GRIK4: variants seen among roughly 807,000 people sequenced by gnomAD.
GRIK4 encodes glutamate receptor ionotropic, kainate 4.
In GRIK4, 40 loss-of-function variants were observed where a neutral mutation model predicts 104.9. The observed-to-expected ratio is 0.38, with a 90% CI of 0.30 to 0.50. The LOEUF (loss-of-function observed/expected upper bound fraction) is 0.50, where lower values mean the gene tolerates loss of function less well. GRIK4 is among the 20% of genes least tolerant of loss of function. The pLI is 0.93. For missense variants in GRIK4, 1,047 were observed against 1,308.1 expected (o/e 0.80, Z 3.08); for synonymous variants, 485 against 524.9 (o/e 0.92, Z 1.04).
chr11:120,861,004 T>A (rs1954248360), intron 8 of GRIK4, among the ~76,000 whole-genome samples: 1 of 151,674 alleles, frequency 6.6e-6, no homozygotes, highest in Admixed American at 6.6e-5. Context: ...TGTATAAGAC[T>A]TAGGGTCCTG....
intron 14 of GRIK4, among the ~76,000 whole-genome samples, chr11:120,943,052 A>G (rs1943761511): frequency 6.7e-6 from 1 of 150,140 alleles, no homozygotes; most frequent in African/African-American, 2.5e-5. Context: ...CTGTGAGCCA[A>G]TTTCTTACAA....
intron 3 of GRIK4, among the ~76,000 whole-genome samples, chr11:120,746,809 C>T (rs1056405108): frequency 2.0e-5 from 3 of 152,140 alleles, no homozygotes; most frequent in Non-Finnish European, 4.4e-5. Context: ...AAGCACGTCA[C>T]TCAGTAGGAT....
chr11:120,754,278 C>G (rs539547299), intron 3 of GRIK4, among the ~76,000 whole-genome samples: 1 of 152,330 alleles, frequency 6.6e-6, no homozygotes, highest in African/African-American at 2.4e-5. Context: ...TCCCAAAGTG[C>G]TGGGATTATA....
chr11:120,849,599 A>T (rs1417143141), intron 8 of GRIK4, among the ~76,000 whole-genome samples: 1 of 152,208 alleles, frequency 6.6e-6, no homozygotes, highest in Non-Finnish European at 1.5e-5. Flanking sequence ...TCTACTCAAG[A>T]TCTTTAACCC....
At chr11:120,852,723 A>G (rs1044508431) in intron 8 of GRIK4, among the ~76,000 whole-genome samples, 1 of 152,234 alleles carries the variant, frequency 6.6e-6, no homozygotes, top group African/African-American at 2.4e-5. Flanking sequence ...TTTGATGCAG[A>G]TAAATAGACA....
chr11:120,815,500 A>G (rs1448552459), intron 5 of GRIK4, 25 bp downstream of exon 5: 7 of 1,363,816 alleles, frequency 5.1e-6, no homozygotes, highest in Non-Finnish European at 7.1e-6. Flanking sequence ...GGGCTGGGGA[A>G]TATCTGTGTG....
At position 120,668,101 on chromosome 11, in the gene GRIK4, G is replaced by A. The variant is rs200417482; in HGVS notation, c.82+7701G>A. Among the ~76,000 whole-genome samples, 502 of 144,208 alleles carry A rather than the reference G, an allele frequency of 3.5e-3. 7 individuals are homozygous for A. Among genetic ancestry groups the A allele is most frequent in the African/African-American group, 0.012 (469 of 38,310 alleles). The allele number at this position is 144,208 out of a possible 152,430, so 94.6% of individuals were successfully genotyped here. A position where few individuals can be genotyped will look rare whatever the true frequency, so the allele number is the denominator to read the frequency against. On this transcript the variant is annotated intron_variant, in intron 3 of 20. Transcript: ENST00000527524. Reference sequence around the variant, plus strand: ...CTGTCTCATAGATGGATAGATAGATGGATAGATAGATAGATAGATAGATAG... The same window carrying A: ...CTGTCTCATAGATGGATAGATAGATAGATAGATAGATAGATAGATAGATAG...
At chr11:120,933,424 C>A (rs1029038533) in intron 13 of GRIK4, among the ~76,000 whole-genome samples, 1 of 152,224 alleles carries the variant, frequency 6.6e-6, no homozygotes, top group Non-Finnish European at 1.5e-5. Flanking sequence ...TCAGCATTTA[C>A]AGACATGGCC....
In GRIK4 at chr11:120,967,047, T is replaced by C; in HGVS notation, c.2267-148T>C. On this transcript the variant is annotated intron_variant, in intron 18 of 20. Transcript: ENST00000527524. This position sits in a 1 kb window ranked among gnomAD's most constrained non-coding sequence, Gnocchi z 4.2. ...AGTGGAGTAGACAGCACTGGCCCCA[T>C]GGGCTCGCCCCACCCGCTGCATCTG... 2.5e-6 allele frequency: 2 copies of C among 816,258 alleles called. No homozygotes were observed. Among genetic ancestry groups the C allele is most frequent in the Non-Finnish European group, 3.8e-6 (2 of 529,554 alleles). The allele number at this position is 816,258 out of a possible 1,614,324, so 50.6% of individuals were successfully genotyped here.
chr11:120,668,389 A>G (rs1333871263), intron 3 of GRIK4, among the ~76,000 whole-genome samples: 3 of 152,222 alleles, frequency 2.0e-5, no homozygotes, highest in Non-Finnish European at 2.9e-5. Context: ...AGAAAAAGAA[A>G]GGAAGAAAAA....
chr11:120,797,556 C>G (rs1952544178), intron 3 of GRIK4, among the ~76,000 whole-genome samples: 1 of 152,226 alleles, frequency 6.6e-6, no homozygotes, highest in Non-Finnish European at 1.5e-5. Flanking sequence ...ATGTCCACAG[C>G]TCTAGAGTCT....
intron 3 of GRIK4, among the ~76,000 whole-genome samples, chr11:120,671,213 T>C (rs746002794): frequency 3.9e-5 from 6 of 152,196 alleles, no homozygotes; most frequent in Non-Finnish European, 7.3e-5. Context: ...TTTGGGTATA[T>C]ACCCAGTAAT....
intron 1 of GRIK4, among the ~76,000 whole-genome samples, chr11:120,578,807 G>A (rs367625169): frequency 2.0e-5 from 3 of 152,296 alleles, no homozygotes; most frequent in African/African-American, 4.8e-5. Flanking sequence ...CTGCTATGTC[G>A]TCCCGCTTCC....
intron 1 of GRIK4, among the ~76,000 whole-genome samples, chr11:120,632,629 T>A (rs916375432): frequency 2.6e-5 from 4 of 152,152 alleles, no homozygotes; most frequent in African/African-American, 9.6e-5. Flanking sequence ...TTTATCTTGC[T>A]GAAAACTTGG....
At position 120,952,985 on chromosome 11, in the gene GRIK4, C is replaced by T. The variant is rs760435804; in HGVS notation, c.1700+21C>T. ...GCTCGGTACTCTCCTCTTCCCTTCC[C>T]TGTCCTTACACCGCCACCTCGTGTC... On this transcript the variant is annotated intron_variant, in intron 15 of 20. Transcript: ENST00000527524. The surrounding 1 kb of genome is among the most constrained non-coding windows in gnomAD (Gnocchi z 5.2). The T allele has an allele frequency of 4.0e-6, 6 of 1,489,824 alleles. No homozygotes were observed. Among genetic ancestry groups the T allele is most frequent in the Non-Finnish European group, 5.6e-6 (6 of 1,067,664 alleles). 92.3% of individuals were successfully genotyped at this position (1,489,824 alleles called of 1,614,324 possible).
chr11:120,698,481 G>C (rs1011465513), intron 3 of GRIK4, among the ~76,000 whole-genome samples: 1 of 152,218 alleles, frequency 6.6e-6, no homozygotes, highest in Non-Finnish European at 1.5e-5. Flanking sequence ...GCTGCCCCTT[G>C]AGTGGATGAG....
intron 3 of GRIK4, among the ~76,000 whole-genome samples, chr11:120,706,750 A>G (rs1238258013): frequency 6.6e-6 from 1 of 152,214 alleles, no homozygotes; most frequent in African/African-American, 2.4e-5. Context: ...GACCAAGACC[A>G]AGCTGTGAGT....
intron 2 of GRIK4, among the ~76,000 whole-genome samples, chr11:120,656,235 T>C (rs930524977): frequency 1.3e-5 from 2 of 152,254 alleles, no homozygotes; most frequent in South Asian, 4.1e-4. Context: ...GCTTCATCTT[T>C]CTGCTCTGTA....
At chr11:120,564,379 A>C (rs940647815) in intron 1 of GRIK4, 2 of 152,230 alleles carry the variant, frequency 1.3e-5, no homozygotes, top group African/African-American at 4.8e-5. Context: ...GGGCCCGGGC[A>C]ACCGGCGCCG....
Sources: gnomAD v4.1 joint callset for allele counts (sites outside exome capture counted in the v4.1 genomes callset) on GRCh38, gnomAD v4.1.1 for gene constraint, Gnocchi (gnomAD v3.1) non-coding constraint, MANE v1.5 for transcripts, NCBI Gene and HGNC (gene_info 2026-07-23, HGNC 2026-07-21) for gene names.